MAGI2: variants seen among roughly 807,000 people sequenced by gnomAD.
MAGI2 encodes membrane associated guanylate kinase, WW and PDZ domain containing 2, also known as membrane-associated guanylate kinase, WW and PDZ domain-containing protein 2.
In MAGI2, 35 loss-of-function variants were observed where a neutral mutation model predicts 133.3. The observed-to-expected ratio is 0.26, with a 90% CI of 0.20 to 0.35. The LOEUF is 0.35. Among genes scored for constraint, MAGI2 ranks in the 10% least tolerant of loss-of-function variants. The pLI, the probability that MAGI2 is intolerant of heterozygous loss-of-function variation, is 1.00. For missense variants in MAGI2, 1,636 were observed against 1,863.4 expected (o/e 0.88, Z 2.25); for synonymous variants, 729 against 710.6 (o/e 1.03, Z -0.41).
Position 79,227,392 on chromosome 7 carries a change from T to C in MAGI2, c.302-220186A>G, listed in dbSNP as rs1266455867. 3.3e-5 allele frequency among the ~76,000 whole-genome samples: 5 copies of C among 152,304 alleles called. No homozygotes were observed. In the East Asian group the frequency reaches 9.6e-4, roughly 29 times the overall value. On this transcript the variant is annotated intron_variant, in intron 1 of 21. Transcript: ENST00000354212. ...GGGACATTTAATGGTACAATACAAA[T>C]GCAAACATTTAATTCTTTCTGCCAA...
intron 9 of MAGI2, among the ~76,000 whole-genome samples, chr7:78,275,285 CAACCAGTCCCAGTGAGATG>C (rs1255847043): frequency 6.6e-6 from 1 of 152,160 alleles, no homozygotes; most frequent in Non-Finnish European, 1.5e-5. Flanking sequence ...ACCCACTGTC[CAACCAGTCCCAGTGAGATG>C]AACCAGGTAC....
chr7:78,988,672 G>A (rs1280460215), intron 2 of MAGI2, among the ~76,000 whole-genome samples: 1 of 152,082 alleles, frequency 6.6e-6, no homozygotes, highest in African/African-American at 2.4e-5. Context: ...TATTTTACAT[G>A]GTGGTGCTGA....
At chr7:78,690,797 C>T (rs1353248619) in intron 2 of MAGI2, among the ~76,000 whole-genome samples, 1 of 152,068 alleles carries the variant, frequency 6.6e-6, no homozygotes, top group African/African-American at 2.4e-5. Context: ...AATACAGGTC[C>T]CTCAAAAATA....
chr7:78,768,064 T>C (rs1178610688), intron 2 of MAGI2, among the ~76,000 whole-genome samples: 1 of 152,236 alleles, frequency 6.6e-6, no homozygotes, highest in Non-Finnish European at 1.5e-5. Context: ...GTGGGAAGTT[T>C]CTAAGATTGT....
chr7:78,878,198 C>T (rs553071930), intron 2 of MAGI2, among the ~76,000 whole-genome samples: 1 of 152,316 alleles, frequency 6.6e-6, no homozygotes, highest in Admixed American at 6.5e-5. Flanking sequence ...ATATGCCTGA[C>T]TCAATGAATG....
chr7:78,620,406 C>T (rs756038823), intron 3 of MAGI2, among the ~76,000 whole-genome samples: 1 of 151,986 alleles, frequency 6.6e-6, no homozygotes, highest in Non-Finnish European at 1.5e-5. Flanking sequence ...ATTTGTTATA[C>T]ATCTTCTGTC....
intron 3 of MAGI2, among the ~76,000 whole-genome samples, chr7:78,542,036 T>C (rs1018456203): frequency 1.9e-4 from 29 of 152,224 alleles, no homozygotes; most frequent in Non-Finnish European, 3.1e-4. Context: ...TGTTGTCGCA[T>C]GCAGGTAGCT....
rs139342527 is a variant in MAGI2 at position 79,429,053 on chromosome 7, G to C, written c.301+23967C>G. ...TATATAACTTCTATATACTCTAGAAGTATATATATATCCCTGAAACCAAGC... is the reference window on the plus strand; with the variant it reads ...TATATAACTTCTATATACTCTAGAACTATATATATATCCCTGAAACCAAGC... On this transcript the variant is annotated intron_variant, in intron 1 of 21. Coordinates refer to ENST00000354212, the MANE Select transcript of MAGI2 (RefSeq NM_012301.4). Among the ~76,000 whole-genome samples the C allele has an allele frequency of 6.6e-3, 999 of 151,794 alleles. 10 individuals carry two copies. The highest frequency in any genetic ancestry group is 0.022 in the African/African-American group (928 of 41,438).
At chr7:78,170,884 C>G (rs1363612538) in intron 14 of MAGI2, 2 of 151,914 alleles carry the variant, frequency 1.3e-5, no homozygotes, top group Non-Finnish European at 2.9e-5. Context: ...AAAAAGGTTG[C>G]CATACTGTTA....
At chr7:79,411,151 C>G (rs1846113291) in intron 1 of MAGI2, 5 of 152,120 alleles carry the variant, frequency 3.3e-5, no homozygotes, top group Admixed American at 3.3e-4. Flanking sequence ...CCTCAACCAC[C>G]TGTCATCAAG....
At chr7:78,067,964 G>C (rs1814019696) in intron 21 of MAGI2, among the ~76,000 whole-genome samples, 2 of 152,176 alleles carry the variant, frequency 1.3e-5, no homozygotes, top group Non-Finnish European at 2.9e-5. Context: ...GGGTTTTTAG[G>C]GCAGTGACAC....
At chr7:79,281,440 C>T (rs1270521216) in intron 1 of MAGI2, among the ~76,000 whole-genome samples, 2 of 151,992 alleles carry the variant, frequency 1.3e-5, no homozygotes, top group African/African-American at 4.8e-5. Flanking sequence ...GCTTTTATAT[C>T]TGAAAAGCGA....
chr7:78,423,678 G>A (rs1215340784), intron 6 of MAGI2, among the ~76,000 whole-genome samples: 1 of 152,176 alleles, frequency 6.6e-6, no homozygotes, highest in Non-Finnish European at 1.5e-5. Flanking sequence ...GGCTGAGGTG[G>A]TCTCAGATAG....
chr7:78,953,748 G>A (rs1232389739), intron 2 of MAGI2, among the ~76,000 whole-genome samples: 3 of 152,016 alleles, frequency 2.0e-5, no homozygotes, highest in East Asian at 3.9e-4. Context: ...AGTTGAGATC[G>A]CCGATCATTT....
intron 1 of MAGI2, among the ~76,000 whole-genome samples, chr7:79,201,166 G>T (rs970477727): frequency 2.0e-5 from 3 of 152,026 alleles, no homozygotes; most frequent in Non-Finnish European, 4.4e-5. Context: ...TTTAGCAAAA[G>T]GTTCTGAGAT....
At chr7:79,345,193 C>T (rs945304070) in intron 1 of MAGI2, among the ~76,000 whole-genome samples, 1 of 151,964 alleles carries the variant, frequency 6.6e-6, no homozygotes, top group Non-Finnish European at 1.5e-5. Context: ...TGCCCCAATC[C>T]AATATAACTC....
At chr7:79,325,836 A>C (rs1312024809) in intron 1 of MAGI2, among the ~76,000 whole-genome samples, 3 of 152,196 alleles carry the variant, frequency 2.0e-5, no homozygotes, top group Non-Finnish European at 4.4e-5. Flanking sequence ...AAAGGCCATT[A>C]AAGTCTCTGT....
intron 1 of MAGI2, among the ~76,000 whole-genome samples, chr7:79,187,056 G>T (rs972037827): frequency 6.6e-6 from 1 of 151,222 alleles, no homozygotes; most frequent in Non-Finnish European, 1.5e-5. Context: ...GGCAACTTAA[G>T]AATTTGGGGG....
chr7:78,088,224 G>T (rs182176807), intron 20 of MAGI2, among the ~76,000 whole-genome samples: 17 of 152,216 alleles, frequency 1.1e-4, no homozygotes, highest in African/African-American at 3.1e-4. Context: ...ATAAGCATTC[G>T]GCTTTGTGCA....
Sources: allele counts gnomAD v4.1 joint callset (sites outside exome capture counted in the v4.1 genomes callset), GRCh38; gene constraint gnomAD v4.1.1; transcripts MANE v1.5; gene names NCBI Gene and HGNC (gene_info 2026-07-23, HGNC 2026-07-21).